The following SSH1 variants were observed in gnomAD, a reference collection of about 807,000 sequenced individuals.
SSH1 encodes the protein protein phosphatase Slingshot homolog 1.
In SSH1, 43 loss-of-function variants were observed where a neutral mutation model predicts 79.7. The observed-to-expected ratio is 0.54, with a 90% confidence interval of 0.42 to 0.70. The LOEUF (loss-of-function observed/expected upper bound fraction) is 0.70. Ranked by LOEUF, SSH1 falls within the 30% of genes least tolerant of loss-of-function variation. The pLI is 0.00. For synonymous variants in SSH1, 599 were observed against 538.3 expected (o/e 1.11, Z -1.56); for missense variants, 1,206 against 1,358.8 (o/e 0.89, Z 1.77).
intron 5 of SSH1, among the ~76,000 whole-genome samples, chr12:108,814,996 C>T (rs1051786391): frequency 1.3e-5 from 2 of 152,208 alleles, no homozygotes; most frequent in African/African-American, 4.8e-5. Flanking sequence ...GTGTGTCTGC[C>T]GTGCTCCCTG....
chr12:108,801,512 T>TA (rs1463495770), intron 11 of SSH1, among the ~76,000 whole-genome samples: 1 of 152,092 alleles, frequency 6.6e-6, no homozygotes, highest in African/African-American at 2.4e-5. Context: ...TAGACATGCT[T>TA]AAAAAAATAC....
intron 7 of SSH1, 152 bp downstream of exon 7, chr12:108,809,541 G>T (rs2037468496): frequency 1.1e-5 from 8 of 733,158 alleles, no homozygotes; most frequent in Non-Finnish European, 2.0e-5. Flanking sequence ...TTTAAATATG[G>T]TGAAAATGAT....
Position 108,809,765 on chromosome 12 carries a change from A to G in SSH1, c.471-7T>C. 6.2e-7 allele frequency: 1 copy of G among 1,613,304 alleles called. No homozygotes were observed. The highest frequency in any genetic ancestry group is 1.3e-5 in the African/African-American group (1 of 75,022). On this transcript the variant is annotated splice_polypyrimidine_tract_variant and splice_region_variant and intron_variant, in intron 6 of 14. Coordinates refer to ENST00000326495, the MANE Select transcript of SSH1 (RefSeq NM_018984.4). Reference sequence around the variant, plus strand: ...TGTGCTCACGCTGAACCCACTGAGAATAAAACACAGAGAGAAAGGTATCTG... The same window carrying G: ...TGTGCTCACGCTGAACCCACTGAGAGTAAAACACAGAGAGAAAGGTATCTG...
intron 10 of SSH1, among the ~76,000 whole-genome samples, chr12:108,803,159 C>CA (rs1034401501): frequency 6.6e-6 from 1 of 151,632 alleles, no homozygotes; most frequent in African/African-American, 2.4e-5. Flanking sequence ...TTTAAAAACC[C>CA]AAAAAAACAG....
chr12:108,838,591 C>T (rs764751574), intron 2 of SSH1, among the ~76,000 whole-genome samples: 17 of 152,234 alleles, frequency 1.1e-4, no homozygotes, highest in Non-Finnish European at 1.6e-4. Context: ...AGTGCTGGGG[C>T]GGCCAGCAGC....
chr12:108,801,714 T>G (rs1410060017), intron 11 of SSH1, among the ~76,000 whole-genome samples: 7 of 147,960 alleles, frequency 4.7e-5, no homozygotes, highest in Non-Finnish European at 7.4e-5. Context: ...CACAGAACGG[T>G]GATTTTGTGG....
chr12:108,829,512 C>T (rs1315363144), intron 2 of SSH1, among the ~76,000 whole-genome samples: 1 of 152,148 alleles, frequency 6.6e-6, no homozygotes, highest in South Asian at 2.1e-4. Flanking sequence ...ACAGGGTAAG[C>T]CAAGCCAGCC....
intron 14 of SSH1, 33 bp downstream of exon 14, chr12:108,792,253 G>T: frequency 1.9e-6 from 3 of 1,614,136 alleles, no homozygotes; most frequent in Non-Finnish European, 2.5e-6. Flanking sequence ...GAAGGGATGG[G>T]GTGTGCCACC....
At chr12:108,815,115 A>G (rs1010352682) in intron 5 of SSH1, among the ~76,000 whole-genome samples, 1 of 152,172 alleles carries the variant, frequency 6.6e-6, no homozygotes. Context: ...ACAGGAAGAG[A>G]GCTGCAGCCT....
At chr12:108,849,198 C>T (rs1712999184) in intron 2 of SSH1, among the ~76,000 whole-genome samples, 1 of 152,180 alleles carries the variant, frequency 6.6e-6, no homozygotes, top group South Asian at 2.1e-4. Flanking sequence ...CTTTATTTCC[C>T]ATCCCTTTGT....
In SSH1 at chr12:108,784,714, T is replaced by G. The variant is rs995072625; in HGVS notation, c.*3274A>C. ...TTAGCAAGACTTAAAGAGAAGACTT[T>G]CCTGTATCAATGCAAGGTGAAGATG... On this transcript the variant is annotated 3_prime_UTR_variant, in exon 15 of 15. Transcript: ENST00000326495. The G allele has an allele frequency of 6.6e-6, 1 of 152,196 alleles. No homozygotes were observed. The highest frequency in any genetic ancestry group is 2.4e-5 in the African/African-American group (1 of 41,452). 9.4% of individuals were successfully genotyped at this position (152,196 alleles called of 1,614,324 possible).
intron 2 of SSH1, chr12:108,827,203 CA>C: frequency 6.7e-7 from 1 of 1,486,896 alleles, no homozygotes; most frequent in South Asian, 1.3e-5. Context: ...TATAAACAGC[CA>C]GTGTCATCCA....
chr12:108,854,796 G>A (rs1385115239), intron 1 of SSH1, among the ~76,000 whole-genome samples: 1 of 152,180 alleles, frequency 6.6e-6, no homozygotes, highest in Non-Finnish European at 1.5e-5. Context: ...AGATGAGCCA[G>A]GGCCCACACA....
chr12:108,798,256 T>A (rs1163642506), intron 13 of SSH1, among the ~76,000 whole-genome samples: 1 of 152,232 alleles, frequency 6.6e-6, no homozygotes, highest in East Asian at 1.9e-4. Flanking sequence ...CTCGAACTCC[T>A]GAGCTCAAGC....
chr12:108,816,767 G>T (rs182752775), intron 5 of SSH1, among the ~76,000 whole-genome samples: 33 of 152,268 alleles, frequency 2.2e-4, no homozygotes, highest in Admixed American at 1.2e-3. Context: ...CCACTCTATA[G>T]CAGCTGGTGT....
At chr12:108,856,697 G>T (rs1287278531) in intron 1 of SSH1, among the ~76,000 whole-genome samples, 1 of 152,174 alleles carries the variant, frequency 6.6e-6, no homozygotes, top group Non-Finnish European at 1.5e-5. Flanking sequence ...CGTTTGTAGG[G>T]GCACTCCCAG....
chr12:108,823,284 C>G lies in SSH1; in HGVS notation c.188G>C (p.Ser63Thr). 1 of 1,589,098 alleles carries G rather than the reference C, an allele frequency of 6.3e-7. No individual in the cohort carries two copies. The highest frequency in any genetic ancestry group is 8.6e-7 in the Non-Finnish European group (1 of 1,166,604). Reference protein sequence around the residue: ...QQGSSPQGQRSLQHPHKHAGD... With the variant: ...QQGSSPQGQRTLQHPHKHAGD... ...TGCATGCTTGTGGGGGTGCTGAAGACTCCGCTGGCCTTGAGGGCTGCTTCC... is the reference window on the plus strand; with the variant it reads ...TGCATGCTTGTGGGGGTGCTGAAGAGTCCGCTGGCCTTGAGGGCTGCTTCC... Residue 63 changes from serine (S) to threonine (T), a missense_variant, in exon 3 of 15, where the codon AGT becomes ACT. Coordinates refer to ENST00000326495, the MANE Select transcript of SSH1 (RefSeq NM_018984.4).
chr12:108,852,459 T>G (rs1271263580), intron 2 of SSH1, among the ~76,000 whole-genome samples, 179 bp downstream of exon 2: 3 of 152,038 alleles, frequency 2.0e-5, no homozygotes, highest in Non-Finnish European at 4.4e-5. Context: ...CTCGATCTCC[T>G]GACCTTGTGA....
chr12:108,833,167 T>C (rs2038515644), intron 2 of SSH1, among the ~76,000 whole-genome samples: 1 of 151,754 alleles, frequency 6.6e-6, no homozygotes. Flanking sequence ...TTTTTTTTTT[T>C]CTCCCTAAAT....
Sources: allele counts gnomAD v4.1 joint callset (sites outside exome capture counted in the v4.1 genomes callset), GRCh38; gene constraint gnomAD v4.1.1; transcripts MANE v1.5; gene names NCBI Gene and HGNC (gene_info 2026-07-23, HGNC 2026-07-21).